The following CTNNA2 variants were observed in gnomAD, a reference collection of about 807,000 sequenced individuals.
CTNNA2 encodes the protein catenin alpha-2.
Under a neutral mutation model 101.0 loss-of-function variants are expected in CTNNA2, and 42 were observed. The ratio of observed to expected loss-of-function variants is 0.42; its 90% confidence interval spans 0.32 to 0.54. The LOEUF is 0.54. Ranked by LOEUF, CTNNA2 falls within the 20% of genes least tolerant of loss-of-function variation. The probability of loss-of-function intolerance (pLI) is 0.14; values close to 1 mark genes in which losing one functional copy is unlikely to be tolerated. For missense variants in CTNNA2, 871 were observed against 1,223.1 expected (o/e 0.71, Z 4.29); for synonymous variants, 450 against 456.4 (o/e 0.99, Z 0.18).
chr2:80,112,253 T>C (rs866716793), intron 7 of CTNNA2, among the ~76,000 whole-genome samples: 26 of 152,300 alleles, frequency 1.7e-4, no homozygotes, highest in African/African-American at 6.0e-4. Context: ...AAAATAAAGA[T>C]CTCTTGATAT....
intron 2 of CTNNA2, among the ~76,000 whole-genome samples, chr2:79,687,042 A>G (rs1160073592): frequency 1.3e-5 from 2 of 152,238 alleles, no homozygotes; most frequent in East Asian, 3.9e-4. Context: ...CACTTCATCA[A>G]TTTCCTGGGA....
At chr2:79,982,192 C>CCATATATATA (rs1342309215) in intron 7 of CTNNA2, among the ~76,000 whole-genome samples, 5 of 75,074 alleles carry the variant, frequency 6.7e-5, no homozygotes, top group Non-Finnish European at 1.1e-4. Flanking sequence ...GCATGTGCCA[C>CCATATATATA]TATATATATA....
chr2:80,128,479 T>A (rs1702251577), intron 7 of CTNNA2, among the ~76,000 whole-genome samples: 1 of 152,034 alleles, frequency 6.6e-6, no homozygotes, highest in Admixed American at 6.6e-5. Context: ...AATAATAACA[T>A]CTGCCCCTCT....
At chr2:79,964,739 G>T (rs1046243134) in intron 7 of CTNNA2, among the ~76,000 whole-genome samples, 2 of 152,174 alleles carry the variant, frequency 1.3e-5, no homozygotes, top group African/African-American at 4.8e-5. Flanking sequence ...ATATTGCCCA[G>T]TTCATATGGT....
intron 7 of CTNNA2, among the ~76,000 whole-genome samples, chr2:80,342,210 TG>T (rs2149280373): frequency 6.6e-6 from 1 of 152,350 alleles, no homozygotes; most frequent in East Asian, 1.9e-4. Flanking sequence ...TGCACAACTC[TG>T]AACTCATTAA....
intron 8 of CTNNA2, 112 bp from the exon 9 acceptor site, chr2:80,419,337 T>C (rs1002673563): frequency 7.5e-6 from 6 of 799,234 alleles, no homozygotes; most frequent in Non-Finnish European, 1.2e-5. Flanking sequence ...AAAAAGAAAA[T>C]AGGAATATTA....
intron 7 of CTNNA2, among the ~76,000 whole-genome samples, chr2:80,149,714 A>G (rs1703570489): frequency 6.6e-6 from 1 of 150,466 alleles, no homozygotes; most frequent in Admixed American, 6.6e-5. Context: ...AGTCATGTTG[A>G]TTAGGTTTCT....
intron 9 of CTNNA2, among the ~76,000 whole-genome samples, chr2:80,485,418 G>T (rs905584925): frequency 2.0e-5 from 3 of 152,084 alleles, no homozygotes; most frequent in African/African-American, 7.2e-5. Context: ...TAACAATTTG[G>T]GATTTTATTT....
chr2:79,788,974 T>C (rs140641476), intron 3 of CTNNA2, among the ~76,000 whole-genome samples: 6 of 152,180 alleles, frequency 3.9e-5, no homozygotes, highest in African/African-American at 9.7e-5. Flanking sequence ...GATAAACATA[T>C]GTAATAATGA....
chr2:79,449,331 A>G (rs1319343917), intron 4 of CTNNA2, among the ~76,000 whole-genome samples: 1 of 152,152 alleles, frequency 6.6e-6, no homozygotes, highest in East Asian at 1.9e-4. Context: ...ATACAGGTGG[A>G]ATCATTCCCC....
At chr2:79,351,681 T>C (rs1225135117) in intron 3 of CTNNA2, among the ~76,000 whole-genome samples, 2 of 152,098 alleles carry the variant, frequency 1.3e-5, no homozygotes, top group East Asian at 3.9e-4. Flanking sequence ...TGAGAACAGG[T>C]GGTATTTGGC....
intron 7 of CTNNA2, among the ~76,000 whole-genome samples, chr2:80,226,551 T>G (rs1345770333): frequency 6.6e-6 from 1 of 152,216 alleles, no homozygotes; most frequent in Non-Finnish European, 1.5e-5. Flanking sequence ...CTGGCATCAC[T>G]CTGATTTGAC....
Position 80,576,972 on chromosome 2 carries a change from A to G in CTNNA2, c.1893+2658A>G, listed in dbSNP as rs560520698. Among the ~76,000 whole-genome samples the G allele has an allele frequency of 9.2e-5, 14 of 152,170 alleles. No homozygotes were observed. The East Asian group carries it at 2.3e-3, about 25-fold the overall frequency. Reference sequence around the variant, plus strand: ...CTGGAGCATTGCCAGATATTTTAAAATTTCAAGGGTAGCACATAGACATCT... The same window carrying G: ...CTGGAGCATTGCCAGATATTTTAAAGTTTCAAGGGTAGCACATAGACATCT... On this transcript the variant is annotated intron_variant, in intron 13 of 18. Transcript: ENST00000402739.
intron 7 of CTNNA2, among the ~76,000 whole-genome samples, chr2:79,920,849 T>C (rs1210522962): frequency 6.6e-6 from 1 of 152,188 alleles, no homozygotes; most frequent in Non-Finnish European, 1.5e-5. Context: ...TTGCTTGCTT[T>C]TCAGTTCAAA....
intron 7 of CTNNA2, among the ~76,000 whole-genome samples, chr2:79,959,852 CT>C (rs1689507739): frequency 6.6e-6 from 1 of 152,176 alleles, no homozygotes. Context: ...CTGAATGGTA[CT>C]TACTATGTTA....
At chr2:80,362,134 C>G (rs1019706526) in intron 7 of CTNNA2, among the ~76,000 whole-genome samples, 2 of 152,024 alleles carry the variant, frequency 1.3e-5, no homozygotes, top group African/African-American at 4.8e-5. Context: ...AGAAAGGAAC[C>G]TAAATGAAGT....
intron 7 of CTNNA2, among the ~76,000 whole-genome samples, chr2:80,059,551 T>C (rs1471252735): frequency 6.6e-6 from 1 of 152,224 alleles, no homozygotes; most frequent in Non-Finnish European, 1.5e-5. Context: ...GTCGCTTGGA[T>C]ACTAGCACAC....
chr2:80,537,254 C>T (rs1691122084), intron 9 of CTNNA2, among the ~76,000 whole-genome samples: 1 of 152,122 alleles, frequency 6.6e-6, no homozygotes, highest in Non-Finnish European at 1.5e-5. Context: ...AGAACATGAA[C>T]CCATTCTTTT....
chr2:80,066,824 T>C (rs561968995), intron 7 of CTNNA2, among the ~76,000 whole-genome samples: 11 of 152,312 alleles, frequency 7.2e-5, no homozygotes, highest in African/African-American at 2.4e-4. Flanking sequence ...AGCCAAAATA[T>C]TGAATCAACC....
Sources: allele counts gnomAD v4.1 joint callset (sites outside exome capture counted in the v4.1 genomes callset), GRCh38; gene constraint gnomAD v4.1.1; transcripts MANE v1.5; gene names NCBI Gene and HGNC (gene_info 2026-07-23, HGNC 2026-07-21).